The following SV2C variants were observed in gnomAD, a reference collection of about 807,000 sequenced individuals.
SV2C encodes the protein solute carrier family 22 member B3.
A neutral mutation model predicts 79.7 loss-of-function variants in SV2C; 49 were observed. The ratio of observed to expected loss-of-function variants is 0.61; its 90% CI spans 0.49 to 0.78. The LOEUF is 0.78. Ranked by LOEUF, SV2C falls within the 30% of genes least tolerant of loss-of-function variation. The pLI, the probability that SV2C is intolerant of heterozygous loss-of-function variation, is 0.00. For missense variants in SV2C, 833 were observed against 912.9 expected (o/e 0.91, Z 1.13); for synonymous variants, 334 against 333.2 (o/e 1.00, Z -0.03).
At chr5:75,862,492 A>G in the SV2C span, among the ~76,000 whole-genome samples, 1 of 152,228 alleles carries the variant, frequency 6.6e-6, no homozygotes, top group Non-Finnish European at 1.5e-5. Flanking sequence ...GAAAGAGCTG[A>G]ATGTCCTTTA....
At chr5:75,921,821 GTT>G in the SV2C span, among the ~76,000 whole-genome samples, 6 of 148,940 alleles carry the variant, frequency 4.0e-5, no homozygotes, top group East Asian at 2.0e-4. Flanking sequence ...ATATAGCAGG[GTT>G]TTTTTTTTTA....
the SV2C span, among the ~76,000 whole-genome samples, chr5:75,854,420 T>C: frequency 2.6e-5 from 4 of 152,172 alleles, no homozygotes; most frequent in Non-Finnish European, 4.4e-5. Context: ...AAATGTATGT[T>C]TTTGTATAAA....
At chr5:76,153,870 G>A (rs1742640552) in intron 2 of SV2C, among the ~76,000 whole-genome samples, 2 of 152,172 alleles carry the variant, frequency 1.3e-5, no homozygotes, top group African/African-American at 2.4e-5. Flanking sequence ...TTACCACTCT[G>A]GAACAAGGAA....
the SV2C span, among the ~76,000 whole-genome samples, chr5:75,883,562 T>G: frequency 2.0e-5 from 3 of 147,362 alleles, no homozygotes; most frequent in African/African-American, 7.9e-5. Context: ...TTGGAAATCA[T>G]CATTCTCAGT....
chr5:75,905,735 G>A, the SV2C span, among the ~76,000 whole-genome samples: 1 of 151,980 alleles, frequency 6.6e-6, no homozygotes, highest in African/African-American at 2.4e-5. Flanking sequence ...AATGGGACTT[G>A]CATAACTGTC....
chr5:75,962,787 A>G, the SV2C span, among the ~76,000 whole-genome samples: 3 of 152,162 alleles, frequency 2.0e-5, no homozygotes, highest in Non-Finnish European at 4.4e-5. Flanking sequence ...ACTTAAAGCC[A>G]AGGCTTAGTG....
intron 4 of SV2C, among the ~76,000 whole-genome samples, chr5:76,224,190 G>GT: frequency 6.6e-6 from 1 of 152,198 alleles, no homozygotes; most frequent in African/African-American, 2.4e-5. Context: ...TTTTTTGGGG[G>GT]TTTTTTTCCT....
chr5:76,242,086 C>T, intron 4 of SV2C: 2 of 1,442,482 alleles, frequency 1.4e-6, no homozygotes, highest in African/African-American at 2.8e-5. Context: ...TCTCCATTTC[C>T]TGCAGGGTTA....
the SV2C span, among the ~76,000 whole-genome samples, chr5:75,919,650 A>T: frequency 2.0e-5 from 3 of 152,172 alleles, no homozygotes; most frequent in Non-Finnish European, 4.4e-5. Flanking sequence ...CCATCATCAA[A>T]AGAACCTACC....
the SV2C span, among the ~76,000 whole-genome samples, chr5:75,890,682 C>T: frequency 6.6e-6 from 1 of 152,064 alleles, no homozygotes; most frequent in African/African-American, 2.4e-5. Context: ...CATTGCGAGG[C>T]TCCTGTGATG....
the SV2C span, among the ~76,000 whole-genome samples, chr5:76,052,263 T>G: frequency 6.6e-6 from 1 of 152,232 alleles, no homozygotes; most frequent in Admixed American, 6.5e-5. Context: ...AAACATCTTT[T>G]GAGTTTTGAG....
chr5:76,337,239 C>T (rs899108757), downstream of SV2C, among the ~76,000 whole-genome samples: 4 of 152,018 alleles, frequency 2.6e-5, no homozygotes, highest in African/African-American at 7.2e-5. Context: ...TTGTGCATGG[C>T]CATCTTCTCT....
intron 4 of SV2C, among the ~76,000 whole-genome samples, chr5:76,216,268 C>T (rs1230785885): frequency 6.6e-6 from 1 of 152,060 alleles, no homozygotes; most frequent in African/African-American, 2.4e-5. Flanking sequence ...CTGAAGGTTC[C>T]CAACATGAAT....
chr5:76,275,730 T>G (rs965020324), intron 4 of SV2C, among the ~76,000 whole-genome samples: 3 of 152,248 alleles, frequency 2.0e-5, no homozygotes, highest in Non-Finnish European at 4.4e-5. Flanking sequence ...AAGCTTTGAT[T>G]ATTATTCATG....
the SV2C span, among the ~76,000 whole-genome samples, chr5:75,867,269 GC>G: frequency 6.6e-6 from 1 of 152,158 alleles, no homozygotes; most frequent in South Asian, 2.1e-4. Flanking sequence ...CAACCAGAGG[GC>G]ATGGTGGGAT....
chr5:75,864,589 C>T, the SV2C span, among the ~76,000 whole-genome samples: 1 of 152,196 alleles, frequency 6.6e-6, no homozygotes, highest in Non-Finnish European at 1.5e-5. Flanking sequence ...GAATCTGGCT[C>T]TGTGGTGTAC....
chr5:76,274,662 CT>C (rs1746968100), intron 4 of SV2C, among the ~76,000 whole-genome samples: 1 of 145,932 alleles, frequency 6.9e-6, no homozygotes, highest in African/African-American at 2.5e-5. Context: ...ACTACTTGGC[CT>C]TTTTTTTCCT....
At chr5:76,011,952 T>C in the SV2C span, among the ~76,000 whole-genome samples, 1 of 152,256 alleles carries the variant, frequency 6.6e-6, no homozygotes, top group African/African-American at 2.4e-5. Context: ...ATTTTTTTTA[T>C]GGCTGCATTG....
chr5:76,154,057 A>C (rs1466241730), intron 2 of SV2C, among the ~76,000 whole-genome samples: 1 of 152,182 alleles, frequency 6.6e-6, no homozygotes, highest in Non-Finnish European at 1.5e-5. Flanking sequence ...AGCATGGACC[A>C]CAGAGTCTGT....
Sources: allele counts gnomAD v4.1 joint callset (sites outside exome capture counted in the v4.1 genomes callset), GRCh38; gene constraint gnomAD v4.1.1; transcripts MANE v1.5; gene names NCBI Gene and HGNC (gene_info 2026-07-23, HGNC 2026-07-21).